Variants in SKAP1 observed in about 807,000 individuals in gnomAD.
SKAP1 encodes the protein src kinase associated phosphoprotein 1, also known as src kinase-associated phosphoprotein 1.
SKAP1 carries 44 observed loss-of-function variants against 58.5 expected under a neutral mutation model. The observed-to-expected ratio is 0.75, with a 90% CI of 0.59 to 0.97. The LOEUF is 0.97. SKAP1 is among the 50% of genes least tolerant of loss of function. The probability of loss-of-function intolerance (pLI) is 0.00; values close to 1 mark genes in which losing one functional copy is unlikely to be tolerated. For missense variants in SKAP1, 390 were observed against 435.2 expected (o/e 0.90, Z 0.92); for synonymous variants, 127 against 149.7 (o/e 0.85, Z 1.11).
intron 4 of SKAP1, among the ~76,000 whole-genome samples, chr17:48,195,904 G>T (rs1255031011): frequency 6.6e-6 from 1 of 151,048 alleles, no homozygotes; most frequent in African/African-American, 2.4e-5. Flanking sequence ...TTATACTGAA[G>T]ACAAAAAAAA....
At chr17:48,229,314 T>G (rs994695719) in intron 4 of SKAP1, among the ~76,000 whole-genome samples, 3 of 152,146 alleles carry the variant, frequency 2.0e-5, no homozygotes, top group African/African-American at 7.2e-5. Context: ...ACTAAACCTT[T>G]TTTTGTCATC....
intron 3 of SKAP1, 59 bp from the exon 4 acceptor site, chr17:48,346,065 A>G: frequency 1.0e-6 from 1 of 992,804 alleles, no homozygotes; most frequent in Non-Finnish European, 1.5e-6. Context: ...ATAAAAGGAT[A>G]CATCCTTATA....
chr17:48,273,049 T>G (rs1007039058), intron 4 of SKAP1, among the ~76,000 whole-genome samples: 4 of 152,210 alleles, frequency 2.6e-5, no homozygotes, highest in African/African-American at 9.6e-5. Context: ...CCAACTGCAC[T>G]CCTTCAATCC....
rs139180158 is a variant in SKAP1 at position 48,319,032 on chromosome 17, G to A, written c.280+26873C>T. ...ACACATAACAGTAAGAATAACTTTT[G>A]AATACATGAGGTTTTGGGCTTTATG... On this transcript the variant is annotated intron_variant, in intron 4 of 12. Coordinates refer to ENST00000336915, the MANE Select transcript of SKAP1 (RefSeq NM_003726.4). Among the ~76,000 whole-genome samples, 35 of 152,252 alleles carry A rather than the reference G, an allele frequency of 2.3e-4. No homozygotes were observed. In the East Asian group the frequency reaches 6.0e-3, roughly 26 times the overall value.
chr17:48,177,471 G>A (rs1459461078), intron 9 of SKAP1, among the ~76,000 whole-genome samples: 1 of 152,120 alleles, frequency 6.6e-6, no homozygotes, highest in Admixed American at 6.6e-5. Context: ...GACAGAGAGG[G>A]CAAGTAACTT....
intron 4 of SKAP1, among the ~76,000 whole-genome samples, chr17:48,319,202 G>A (rs2066328413): frequency 6.6e-6 from 1 of 152,166 alleles, no homozygotes; most frequent in Non-Finnish European, 1.5e-5. Context: ...AAGCACTTCA[G>A]CCATAAATCC....
At chr17:48,406,574 A>G (rs1222357346) in intron 1 of SKAP1, among the ~76,000 whole-genome samples, 1 of 145,450 alleles carries the variant, frequency 6.9e-6, no homozygotes, top group East Asian at 2.1e-4. Flanking sequence ...TTATTTATTT[A>G]TTTATTTTGA....
intron 3 of SKAP1, among the ~76,000 whole-genome samples, chr17:48,353,512 T>C (rs1191626082): frequency 6.6e-6 from 1 of 152,224 alleles, no homozygotes; most frequent in African/African-American, 2.4e-5. Flanking sequence ...TTTTGGGGTC[T>C]ACTATGCCCC....
chr17:48,317,346 C>T (rs958505245), intron 4 of SKAP1, among the ~76,000 whole-genome samples: 3 of 152,064 alleles, frequency 2.0e-5, no homozygotes, highest in African/African-American at 7.2e-5. Context: ...TTTTAGGGGT[C>T]AATTCCCAAA....
intron 2 of SKAP1, among the ~76,000 whole-genome samples, chr17:48,384,295 CA>C (rs1170947354): frequency 6.6e-6 from 1 of 152,092 alleles, no homozygotes; most frequent in African/African-American, 2.4e-5. Flanking sequence ...CTTGGGAGCC[CA>C]GGCCTAGAGA....
chr17:48,323,004 G>T (rs1038911222), intron 4 of SKAP1, among the ~76,000 whole-genome samples: 1 of 152,010 alleles, frequency 6.6e-6, no homozygotes, highest in Non-Finnish European at 1.5e-5. Context: ...GCTAAGGCAG[G>T]AGAATTGCTT....
intron 9 of SKAP1, among the ~76,000 whole-genome samples, chr17:48,173,359 A>G (rs1366999312): frequency 2.0e-5 from 3 of 152,200 alleles, no homozygotes; most frequent in Non-Finnish European, 2.9e-5. Context: ...TACCACGAGG[A>G]ATAAAACAAC....
intron 11 of SKAP1, among the ~76,000 whole-genome samples, chr17:48,159,515 A>G (rs889192239): frequency 3.9e-5 from 6 of 152,340 alleles, no homozygotes; most frequent in East Asian, 1.9e-4. Context: ...ACTTTCCGGG[A>G]CTAAATTCAA....
intron 4 of SKAP1, among the ~76,000 whole-genome samples, chr17:48,291,266 A>C (rs2065893743): frequency 6.6e-6 from 1 of 152,290 alleles, no homozygotes; most frequent in East Asian, 1.9e-4. Flanking sequence ...TTCACTGAAA[A>C]TTTGAGAGTT....
intron 1 of SKAP1, among the ~76,000 whole-genome samples, chr17:48,413,543 T>TATATATATATATATA (rs1567905650): frequency 3.4e-5 from 4 of 117,750 alleles, no homozygotes; most frequent in African/African-American, 1.4e-4. Context: ...TATATATATA[T>TATATATATATATATA]TTGCTCTTCA....
intron 3 of SKAP1, among the ~76,000 whole-genome samples, chr17:48,353,418 C>T (rs1043763670): frequency 1.3e-5 from 2 of 152,150 alleles, no homozygotes; most frequent in Non-Finnish European, 2.9e-5. Flanking sequence ...ACTATTGGTT[C>T]ATCTTGCTTT....
chr17:48,189,827 A>G (rs1436796616), intron 4 of SKAP1, among the ~76,000 whole-genome samples: 36 of 151,850 alleles, frequency 2.4e-4, no homozygotes, highest in Non-Finnish European at 1.5e-5. Flanking sequence ...GGCATGTGCC[A>G]CCACACCTGG....
chr17:48,189,515 G>T lies in SKAP1; in HGVS notation c.281-15C>A. 1 of 1,600,716 alleles carries T rather than the reference G, an allele frequency of 6.2e-7. No individual in the cohort carries two copies. On this transcript the variant is annotated splice_polypyrimidine_tract_variant and intron_variant, in intron 4 of 12. Coordinates refer to ENST00000336915, the MANE Select transcript of SKAP1 (RefSeq NM_003726.4). ...GTCTTCCATTCCTAAAAGGACCAAT[G>T]GCAAAATGCTTTATTGAAACCTGGC...
At chr17:48,410,684 T>C (rs2067651218) in intron 1 of SKAP1, among the ~76,000 whole-genome samples, 1 of 151,924 alleles carries the variant, frequency 6.6e-6, no homozygotes, top group Non-Finnish European at 1.5e-5. Context: ...CACAGCACTT[T>C]GGGAGGCCAA....
Sources: gnomAD v4.1 joint callset for allele counts (sites outside exome capture counted in the v4.1 genomes callset) on GRCh38, gnomAD v4.1.1 for gene constraint, MANE v1.5 for transcripts, NCBI Gene and HGNC (gene_info 2026-07-23, HGNC 2026-07-21) for gene names.